CACNA1D: variants seen among roughly 807,000 people sequenced by gnomAD.
The protein encoded by CACNA1D is voltage-dependent L-type calcium channel subunit alpha-1D.
A neutral mutation model predicts 257.1 loss-of-function variants in CACNA1D; 55 were observed. The observed-to-expected ratio is 0.21, with a 90% CI of 0.17 to 0.27. CACNA1D has a LOEUF of 0.27. Ranked by LOEUF, CACNA1D falls within the 10% of genes least tolerant of loss-of-function variation. The pLI, the probability that CACNA1D is intolerant of heterozygous loss-of-function variation, is 1.00. For synonymous variants in CACNA1D, 980 were observed against 1,014.9 expected, an observed-to-expected ratio of 0.97 and a Z score of 0.65; for missense variants, 1,876 against 2,784.0, an observed-to-expected ratio of 0.67 and a Z score of 7.34.
chr3:53,564,261 A>C (rs1405689721), intron 3 of CACNA1D, among the ~76,000 whole-genome samples: 1 of 152,042 alleles, frequency 6.6e-6, no homozygotes, highest in Non-Finnish European at 1.5e-5. Flanking sequence ...CCTGGGTTCA[A>C]ATGATTCTCC....
At chr3:53,671,584 G>A (rs2094323368) in intron 7 of CACNA1D, among the ~76,000 whole-genome samples, 1 of 152,242 alleles carries the variant, frequency 6.6e-6, no homozygotes, top group Admixed American at 6.5e-5. Flanking sequence ...TGCAGCCACA[G>A]CCCAGGCTCA....
At chr3:53,652,671 G>T (rs2094109660) in intron 4 of CACNA1D, among the ~76,000 whole-genome samples, 3 of 152,192 alleles carry the variant, frequency 2.0e-5, no homozygotes, top group Admixed American at 2.0e-4. Context: ...AGGGCCACTG[G>T]TAGTAGTGCT....
chr3:53,520,854 CTTTCTTT>C (rs2091529470), intron 3 of CACNA1D, among the ~76,000 whole-genome samples: 2 of 69,814 alleles, frequency 2.9e-5, no homozygotes, highest in Non-Finnish European at 5.7e-5. Flanking sequence ...AAACTCCTTT[CTTTCTTT>C]CTTTCTTTCT....
At chr3:53,670,805 A>G (rs1246400810) in intron 7 of CACNA1D, among the ~76,000 whole-genome samples, 1 of 152,234 alleles carries the variant, frequency 6.6e-6, no homozygotes, top group Non-Finnish European at 1.5e-5. Flanking sequence ...GATAAAGACC[A>G]TACAGGCAAA....
Position 53,494,923 on chromosome 3 carries a change from A to G in CACNA1D, c.-244A>G. 1 of 516,790 alleles carries G rather than the reference A, an allele frequency of 1.9e-6. No individual in the cohort carries two copies. The highest frequency in any genetic ancestry group is 3.5e-6 in the Non-Finnish European group (1 of 288,090). 32.0% of individuals were successfully genotyped at this position (516,790 alleles called of 1,614,324 possible). The stretch of plus-strand genomic sequence containing the variant: ...TATATACATTGGATTTTATTTTTTT[A>G]AAAAGTTTATTTTGCTCCATTTTTG... On this transcript the variant is annotated 5_prime_UTR_variant, in exon 1 of 48. Transcript: ENST00000350061.
At chr3:53,555,460 GTTTTTTTT>G (rs372133749) in intron 3 of CACNA1D, among the ~76,000 whole-genome samples, 2 of 78,386 alleles carry the variant, frequency 2.6e-5, no homozygotes, top group East Asian at 3.1e-4. Context: ...GTGTGTGTGT[GTTTTTTTT>G]TTTTTTTTTT....
At chr3:53,680,627 C>T (rs904117913) in intron 8 of CACNA1D, among the ~76,000 whole-genome samples, 5 of 152,196 alleles carry the variant, frequency 3.3e-5, no homozygotes, top group African/African-American at 4.8e-5. Flanking sequence ...TGCACAGACC[C>T]AGCTCTTTAT....
At chr3:53,522,782 C>G (rs1044777423) in intron 3 of CACNA1D, among the ~76,000 whole-genome samples, 2 of 152,148 alleles carry the variant, frequency 1.3e-5, no homozygotes, top group Non-Finnish European at 2.9e-5. Context: ...GTGTTGGGAA[C>G]ATTTCAAATC....
intron 30 of CACNA1D, among the ~76,000 whole-genome samples, chr3:53,763,548 G>C (rs1212382445): frequency 6.6e-6 from 1 of 152,228 alleles, no homozygotes; most frequent in Admixed American, 6.5e-5. Flanking sequence ...TTTCGAGAGA[G>C]TGGGCGGAGC....
intron 9 of CACNA1D, among the ~76,000 whole-genome samples, chr3:53,713,543 T>TGTGTGA (rs377132134): frequency 0.064 from 7,740 of 120,726 alleles, 316 homozygotes; most frequent in African/African-American, 0.095. Flanking sequence ...TGTGTGTGTG[T>TGTGTGA]GAGAGATTTG....
At chr3:53,622,615 T>TTTGGAGG (rs2093708971) in intron 3 of CACNA1D, among the ~76,000 whole-genome samples, 2 of 151,992 alleles carry the variant, frequency 1.3e-5, no homozygotes, top group South Asian at 4.2e-4. Flanking sequence ...ACTGGGTCCT[T>TTTGGAGG]TTGGAGGTTG....
intron 3 of CACNA1D, among the ~76,000 whole-genome samples, chr3:53,608,353 A>G (rs2093539935): frequency 6.6e-6 from 1 of 152,218 alleles, no homozygotes; most frequent in Non-Finnish European, 1.5e-5. Flanking sequence ...ATAACCTTGT[A>G]AACTCATTTC....
At chr3:53,658,377 C>G (rs1260919962) in intron 4 of CACNA1D, among the ~76,000 whole-genome samples, 1 of 152,204 alleles carries the variant, frequency 6.6e-6, no homozygotes, top group Non-Finnish European at 1.5e-5. Context: ...AGCCCCGGCC[C>G]CTTGCAGCCC....
Position 53,665,732 on chromosome 3 carries a change from T to G in CACNA1D, c.839T>G (p.Phe280Cys). The change falls in exon 6 of 48, where the codon TTT (phenylalanine) becomes TGT (cysteine). Residue 280 changes from phenylalanine to cysteine, a missense_variant. Transcript: ENST00000350061. Reference protein sequence around the residue: ...PLLHIALLVLFVIIIYAIIGL... With the variant: ...PLLHIALLVLCVIIIYAIIGL... ...CTTCACATAGCCCTTTTGGTATTAT[T>G]TGTAATCATAATCTATGCTATTATA... is the stretch of plus-strand genomic sequence containing the variant. 6.2e-7 allele frequency: 1 copy of G among 1,606,308 alleles called. No homozygotes were observed. Among genetic ancestry groups the G allele is most frequent in the Non-Finnish European group, 8.5e-7 (1 of 1,172,976 alleles).
chr3:53,561,253 CA>C (rs1181541206), intron 3 of CACNA1D, among the ~76,000 whole-genome samples: 1 of 151,960 alleles, frequency 6.6e-6, no homozygotes, highest in East Asian at 1.9e-4. Flanking sequence ...TGTCTCTGTA[CA>C]AAAAAGCCAT....
chr3:53,507,565 C>CTG lies in CACNA1D; in HGVS notation c.483+5848_483+5849dup, dbSNP rs548818202. ...CCTGGGAGGTCAAGACTATAGTGAG[C>CTG]TGTGATTATGTTACTGTACTCTAGC... On this transcript the variant is annotated intron_variant, in intron 3 of 47. Coordinates refer to ENST00000350061, the MANE Select transcript of CACNA1D (RefSeq NM_001128840.3). Among the ~76,000 whole-genome samples, 278 of 152,180 alleles carry CTG rather than the reference C, an allele frequency of 1.8e-3. 1 individual carries two copies. The highest frequency in any genetic ancestry group is 6.4e-3 in the African/African-American group (265 of 41,520).
intron 3 of CACNA1D, among the ~76,000 whole-genome samples, chr3:53,630,462 G>C (rs141832940): frequency 6.6e-6 from 1 of 152,106 alleles, no homozygotes; most frequent in Non-Finnish European, 1.5e-5. Context: ...TTTTGCACTC[G>C]TATCTCATTA....
chr3:53,616,298 GTC>G (rs1287748715), intron 3 of CACNA1D, among the ~76,000 whole-genome samples: 6 of 152,212 alleles, frequency 3.9e-5, no homozygotes, highest in Admixed American at 2.6e-4. Flanking sequence ...ATATCATCAT[GTC>G]TCTGTTTCAG....
chr3:53,532,650 C>T (rs73084400), intron 3 of CACNA1D, among the ~76,000 whole-genome samples: 3,593 of 152,242 alleles, frequency 0.024, 57 homozygotes, highest in Non-Finnish European at 0.034. Flanking sequence ...TTATATTGTT[C>T]AGTTGGCTTT....
Sources: allele counts gnomAD v4.1 joint callset (sites outside exome capture counted in the v4.1 genomes callset), GRCh38; gene constraint gnomAD v4.1.1; transcripts MANE v1.5; gene names NCBI Gene and HGNC (gene_info 2026-07-23, HGNC 2026-07-21).